FRYL: variants seen among roughly 807,000 people sequenced by gnomAD.
The protein encoded by FRYL is protein furry homolog-like.
In FRYL, 150 loss-of-function variants were observed where a neutral mutation model predicts 351.2. The ratio of observed to expected loss-of-function variants is 0.43; its 90% CI spans 0.37 to 0.49. The LOEUF is 0.49. Among genes scored for constraint, FRYL ranks in the 20% least tolerant of loss-of-function variants. FRYL has a pLI of 0.00. For missense variants in FRYL, 3,036 were observed against 3,619.3 expected, an observed-to-expected ratio of 0.84 and a Z score of 4.13; for synonymous variants, 1,153 against 1,257.1, an observed-to-expected ratio of 0.92 and a Z score of 1.75.
chr4:48,547,715 T>C lies in FRYL; in HGVS notation c.4943A>G (p.His1648Arg), dbSNP rs901069110. 4 of 1,589,454 alleles carry C rather than the reference T, an allele frequency of 2.5e-6. No individual in the cohort carries two copies. Among genetic ancestry groups the C allele is most frequent in the African/African-American group, 2.7e-5 (2 of 74,604 alleles). Residue 1648 changes from histidine (H) to arginine (R), a missense_variant, in exon 41 of 64, where the codon CAC (histidine) becomes CGC (arginine). Physicochemically the swap from His to Arg is conservative, Grantham distance 29. Around this residue, in one of 7 missense-constraint regions of FRYL, gnomAD observed 1,987 missense variants for 2,311.7 expected, o/e 0.86. Transcript: ENST00000358350. ...VYEHCKRLLL[H>R]LLIVMGPNSN... ...ATTGGGTCCCATTACTATTAATAAGTGCAGAAGCAGGCGTTTACAATGTTC... is the reference window on the plus strand; with the variant it reads ...ATTGGGTCCCATTACTATTAATAAGCGCAGAAGCAGGCGTTTACAATGTTC...
At chr4:48,537,305 C>T (rs1465982659) in intron 47 of FRYL, among the ~76,000 whole-genome samples, 3 of 152,036 alleles carry the variant, frequency 2.0e-5, no homozygotes, top group Non-Finnish European at 4.4e-5. Context: ...TATAATAGAA[C>T]AAGTGACAGA....
At chr4:48,665,696 T>C (rs1023921631) in intron 3 of FRYL, among the ~76,000 whole-genome samples, 4 of 152,142 alleles carry the variant, frequency 2.6e-5, no homozygotes, top group African/African-American at 9.7e-5. Context: ...GAATCACCCA[T>C]AGTGTGAATA....
rs1737004178 is a variant in FRYL at position 48,567,316 on chromosome 4, G to C, written c.3101C>G (p.Ser1034Cys). 6.2e-7 allele frequency: 1 copy of C among 1,612,958 alleles called. No individual in the cohort carries two copies. The highest frequency in any genetic ancestry group is 1.7e-5 in the Admixed American group (1 of 59,958). ...QLLEAENEKD[S>C]DTLKDIRCHF... The stretch of plus-strand genomic sequence containing the variant: ...GCATCGTATATCCTTCAGTGTGTCA[G>C]AGTCTTTTTCATTTTCTGCTTCCAG... The change falls in exon 28 of 64, where the codon TCT becomes TGT. Residue 1034 changes from serine (S) to cysteine (C), a missense_variant. Physicochemically the swap from Ser to Cys is moderately radical, Grantham distance 112 (BLOSUM62 -1). Transcript: ENST00000358350. The surrounding 1 kb of genome is among the most constrained non-coding windows in gnomAD (Gnocchi z 4.2).
At chr4:48,748,341 A>G (rs1772890956) in intron 1 of FRYL, among the ~76,000 whole-genome samples, 1 of 152,236 alleles carries the variant, frequency 6.6e-6, no homozygotes. Context: ...CCGAAGTTAT[A>G]GCTATAGATA....
chr4:48,611,525 C>T (rs73817826), intron 7 of FRYL, among the ~76,000 whole-genome samples: 4,420 of 151,732 alleles, frequency 0.029, 76 homozygotes, highest in Admixed American at 0.047. Flanking sequence ...AAAATCATAC[C>T]ATCTTTTTAA....
intron 1 of FRYL, among the ~76,000 whole-genome samples, chr4:48,741,744 CTT>C (rs1772103918): frequency 6.6e-6 from 1 of 151,896 alleles, no homozygotes; most frequent in African/African-American, 2.4e-5. Flanking sequence ...ATGGAGGAAA[CTT>C]AAGTGCATAT....
intron 3 of FRYL, among the ~76,000 whole-genome samples, chr4:48,675,624 C>T (rs933695542): frequency 6.6e-5 from 10 of 152,240 alleles, no homozygotes; most frequent in African/African-American, 2.2e-4. Flanking sequence ...GAGCCTCCCA[C>T]CCACTCCATG....
rs1463588438 is a variant in FRYL, at chr4:48,497,791, A to G, written c.*1631T>C. 1.3e-5 allele frequency: 2 copies of G among 152,680 alleles called. No individual in the cohort carries two copies. Among genetic ancestry groups the G allele is most frequent in the African/African-American group, 2.4e-5 (1 of 41,468 alleles). The allele number at this position is 152,680 out of a possible 1,614,324, so 9.5% of individuals were successfully genotyped here. On this transcript the variant is annotated 3_prime_UTR_variant, in exon 64 of 64. Transcript: ENST00000358350. ...GGGTCAAAAAATACAGTGATTATGA[A>G]TGAGCTGTGACCAGTTACGAAATTT...
chr4:48,534,030 C>G (rs1341975829), intron 49 of FRYL, among the ~76,000 whole-genome samples: 2 of 152,082 alleles, frequency 1.3e-5, no homozygotes, highest in Non-Finnish European at 2.9e-5. Flanking sequence ...AGTTCGAGAC[C>G]AGCCTGGCCA....
At chr4:48,615,093 T>A (rs1001573096) in intron 7 of FRYL, among the ~76,000 whole-genome samples, 1 of 152,194 alleles carries the variant, frequency 6.6e-6, no homozygotes, top group African/African-American at 2.4e-5. Flanking sequence ...CACAAAGTGC[T>A]AGGATTACAG....
intron 3 of FRYL, among the ~76,000 whole-genome samples, chr4:48,647,152 T>C (rs993956581): frequency 6.6e-6 from 1 of 152,048 alleles, no homozygotes; most frequent in Non-Finnish European, 1.5e-5. Context: ...GTAGCCGAGA[T>C]ACTACAACTG....
intron 2 of FRYL, among the ~76,000 whole-genome samples, chr4:48,709,247 C>T (rs1359269313): frequency 3.9e-5 from 6 of 151,974 alleles, no homozygotes; most frequent in African/African-American, 1.5e-4. Flanking sequence ...TATAAAGGGT[C>T]CCAGAATTAG....
At chr4:48,608,522 A>G (rs1747334690) in intron 9 of FRYL, among the ~76,000 whole-genome samples, 2 of 152,176 alleles carry the variant, frequency 1.3e-5, no homozygotes, top group South Asian at 4.1e-4. Flanking sequence ...AACAGTTTTA[A>G]TTGAGTAATC....
intron 59 of FRYL, among the ~76,000 whole-genome samples, chr4:48,507,645 A>G (rs970171908): frequency 3.3e-5 from 5 of 152,150 alleles, no homozygotes; most frequent in African/African-American, 1.2e-4. Flanking sequence ...GCTGAACAGA[A>G]AGCAGTGGCC....
At chr4:48,520,835 A>G in intron 55 of FRYL, 2 of 449,576 alleles carry the variant, frequency 4.4e-6, no homozygotes, top group Non-Finnish European at 7.8e-6. Context: ...CTCATTAAAA[A>G]CACTCAAGAT....
intron 1 of FRYL, among the ~76,000 whole-genome samples, chr4:48,718,345 C>T (rs1578823722): frequency 1.3e-5 from 2 of 151,516 alleles, no homozygotes. Context: ...CATCAAAAGA[C>T]TGGTGAAATA....
chr4:48,512,013 A>G (rs1722588992), intron 57 of FRYL, among the ~76,000 whole-genome samples: 1 of 152,194 alleles, frequency 6.6e-6, no homozygotes, highest in Non-Finnish European at 1.5e-5. Context: ...GTGGGTACTC[A>G]ATAAATTTTA....
At chr4:48,525,622 T>A (rs923592554) in intron 53 of FRYL, among the ~76,000 whole-genome samples, 2 of 152,224 alleles carry the variant, frequency 1.3e-5, no homozygotes, top group Admixed American at 6.5e-5. Flanking sequence ...ATATGAGTTG[T>A]ATATGTATAT....
chr4:48,755,155 T>C (rs1773645481), intron 1 of FRYL, among the ~76,000 whole-genome samples: 2 of 152,228 alleles, frequency 1.3e-5, no homozygotes, highest in African/African-American at 4.8e-5. Flanking sequence ...ATATTGACGT[T>C]GTTTATATTC....
Sources: gnomAD v4.1 joint callset for allele counts (sites outside exome capture counted in the v4.1 genomes callset) on GRCh38, gnomAD v4.1.1 for gene constraint, gnomAD v4.1.1 regional missense constraint, Gnocchi (gnomAD v3.1) non-coding constraint, MANE v1.5 for transcripts, NCBI Gene and HGNC (gene_info 2026-07-23, HGNC 2026-07-21) for gene names.